AKAIN1: variants seen among roughly 807,000 people sequenced by gnomAD.
AKAIN1 encodes A-kinase anchor inhibitor 1.
A neutral mutation model predicts 3.7 loss-of-function variants in AKAIN1; 3 were observed. The ratio of observed to expected loss-of-function variants is 0.82; its 90% CI spans 0.37 to 2.12. The LOEUF is 2.12. Ranked by LOEUF, AKAIN1 falls within the 30% of genes most tolerant of loss-of-function variation. AKAIN1 has a pLI of 0.06. For missense variants in AKAIN1, 82 were observed against 82.7 expected, an observed-to-expected ratio of 0.99 and a Z score of 0.03; for synonymous variants, 31 against 30.8, an observed-to-expected ratio of 1.01 and a Z score of -0.02.
rs541192812 is a variant in AKAIN1 at position 5,155,512 on chromosome 18, C to T, written c.17-9757G>A. The stretch of plus-strand genomic sequence containing the variant: ...AAGTGTCCGTTTCTGGCCTCTCATC[C>T]GCGGCTGCACTGCCCAGACGGTCAG... On this transcript the variant is annotated intron_variant, in intron 1 of 1. Coordinates refer to ENST00000434239, the MANE Select transcript of AKAIN1 (RefSeq NM_001145194.2). Among the ~76,000 whole-genome samples, 11 of 152,272 alleles carry T rather than the reference C, an allele frequency of 7.2e-5. No individual in the cohort carries two copies. In the East Asian group the frequency reaches 1.9e-3, roughly 27 times the overall value.
At chr18:5,180,933 T>C (rs1390147976) in intron 1 of AKAIN1, among the ~76,000 whole-genome samples, 1 of 152,018 alleles carries the variant, frequency 6.6e-6, no homozygotes, top group Non-Finnish European at 1.5e-5. Flanking sequence ...AATAGAGATA[T>C]TACATTCATA....
intron 1 of AKAIN1, among the ~76,000 whole-genome samples, chr18:5,153,173 A>T (rs1201341598): frequency 6.6e-6 from 1 of 152,200 alleles, no homozygotes; most frequent in African/African-American, 2.4e-5. Context: ...TTATTTTAGA[A>T]CATAATTTAA....
At chr18:5,179,163 T>C (rs1028639259) in intron 1 of AKAIN1, among the ~76,000 whole-genome samples, 2 of 152,166 alleles carry the variant, frequency 1.3e-5, no homozygotes, top group South Asian at 2.1e-4. Flanking sequence ...TAGTAGATTG[T>C]ACCCATTAAG....
intron 1 of AKAIN1, among the ~76,000 whole-genome samples, chr18:5,192,081 G>A (rs756835919): frequency 6.6e-6 from 1 of 152,132 alleles, no homozygotes; most frequent in East Asian, 1.9e-4. Flanking sequence ...TCAGATTTTG[G>A]AGTATTTTGG....
At chr18:5,178,373 CA>C (rs1180878425) in intron 1 of AKAIN1, among the ~76,000 whole-genome samples, 7 of 151,576 alleles carry the variant, frequency 4.6e-5, no homozygotes, top group Non-Finnish European at 1.0e-4. Flanking sequence ...GACCCCATCT[CA>C]AAAAAAGGAA....
intron 1 of AKAIN1, among the ~76,000 whole-genome samples, chr18:5,175,381 T>C (rs2071220425): frequency 1.3e-5 from 2 of 152,146 alleles, no homozygotes; most frequent in South Asian, 4.1e-4. Context: ...ATAACTTGCT[T>C]AGAACACGAA....
In AKAIN1 at chr18:5,192,385, T is replaced by TTTTCTTTCTTTCTTTCTTTCTTTTTC. The variant is rs2071323562; in HGVS notation, c.16+4652_16+4653insGAAAAAGAAAGAAAGAAAGAAAGAAA. Among the ~76,000 whole-genome samples the TTTTCTTTCTTTCTTTCTTTCTTTTTC allele has an allele frequency of 3.8e-4, 41 of 107,074 alleles. 1 individual carries two copies. The highest frequency in any genetic ancestry group is 1.5e-3 in the African/African-American group (41 of 28,118). The allele number at this position is 107,074 out of a possible 152,430, so 70.2% of individuals were successfully genotyped here. A position where few individuals can be genotyped will look rare whatever the true frequency, so the allele number is the denominator to read the frequency against. ...GGCATGTGCAACCACACAGAGCTAA[T>TTTTCTTTCTTTCTTTCTTTCTTTTTC]TTTCTTTCTTTCTTTCTTTCTTTCT... On this transcript the variant is annotated intron_variant, in intron 1 of 1. Coordinates refer to ENST00000434239, the MANE Select transcript of AKAIN1 (RefSeq NM_001145194.2).
rs1489803024 is a variant in AKAIN1 at position 5,145,267 on chromosome 18, T to C, written c.*295A>G. 3.8e-6 allele frequency: 1 copy of C among 263,230 alleles called. No homozygotes were observed. The highest frequency in any genetic ancestry group is 7.2e-6 in the Non-Finnish European group (1 of 138,392). 16.3% of individuals were successfully genotyped at this position (263,230 alleles called of 1,614,324 possible). A position where few individuals can be genotyped will look rare whatever the true frequency, so the allele number is the denominator to read the frequency against. ...AGAAGTAAATAAACGAGACATAGAATTCTTTTTTTCAAATAAAAGAACTTT... is the reference window on the plus strand; with the variant it reads ...AGAAGTAAATAAACGAGACATAGAACTCTTTTTTTCAAATAAAAGAACTTT... On this transcript the variant is annotated 3_prime_UTR_variant, in exon 2 of 2. Transcript: ENST00000434239.
chr18:5,191,302 A>G (rs938872414), intron 1 of AKAIN1, among the ~76,000 whole-genome samples: 4 of 152,314 alleles, frequency 2.6e-5, no homozygotes, highest in Admixed American at 2.6e-4. Flanking sequence ...GTGAAGCAAG[A>G]ACATAGAAAA....
At chr18:5,177,944 A>C (rs1054863829) in intron 1 of AKAIN1, among the ~76,000 whole-genome samples, 1 of 152,080 alleles carries the variant, frequency 6.6e-6, no homozygotes, top group African/African-American at 2.4e-5. Flanking sequence ...GGAATTCCTG[A>C]GCATAAATGT....
At chr18:5,148,389 G>A (rs1264606665) in intron 1 of AKAIN1, among the ~76,000 whole-genome samples, 1 of 152,180 alleles carries the variant, frequency 6.6e-6, no homozygotes, top group Non-Finnish European at 1.5e-5. Context: ...GACCAAAAGA[G>A]AGCAAAAGAG....
At chr18:5,174,512 G>T (rs909964989) in intron 1 of AKAIN1, among the ~76,000 whole-genome samples, 2 of 152,104 alleles carry the variant, frequency 1.3e-5, no homozygotes, top group Non-Finnish European at 2.9e-5. Flanking sequence ...AGGCTGTGGT[G>T]GGCAGATCAC....
chr18:5,183,943 A>G (rs1369336391), intron 1 of AKAIN1, among the ~76,000 whole-genome samples: 1 of 152,102 alleles, frequency 6.6e-6, no homozygotes, highest in East Asian at 1.9e-4. Context: ...TTTTCTCCAT[A>G]AGGCACATCA....
At chr18:5,168,626 A>G (rs2071180068) in intron 1 of AKAIN1, among the ~76,000 whole-genome samples, 1 of 151,984 alleles carries the variant, frequency 6.6e-6, no homozygotes, top group Non-Finnish European at 1.5e-5. Context: ...CTTAGTGTGA[A>G]CCCTTCTTTA....
chr18:5,151,206 T>C (rs2202521), intron 1 of AKAIN1, among the ~76,000 whole-genome samples: 30,521 of 152,162 alleles, frequency 0.2, 3,894 homozygotes, highest in East Asian at 0.47. Context: ...TTCTGATGGC[T>C]TGAGACTGCA....
chr18:5,154,248 A>G (rs2071094518), intron 1 of AKAIN1, among the ~76,000 whole-genome samples: 1 of 152,204 alleles, frequency 6.6e-6, no homozygotes, highest in Non-Finnish European at 1.5e-5. Flanking sequence ...GGAAACACAC[A>G]CTTGGAAAAA....
chr18:5,174,299 T>G (rs775891996), intron 1 of AKAIN1, among the ~76,000 whole-genome samples: 10 of 152,068 alleles, frequency 6.6e-5, no homozygotes, highest in Non-Finnish European at 1.3e-4. Context: ...ATACTGCCTA[T>G]AGGGACTGTG....
At chr18:5,197,507 A>AAAAAAAAAAAAAAG, upstream of AKAIN1, 1 of 1,223,568 alleles carries the variant, frequency 8.2e-7, no homozygotes, top group Non-Finnish European at 1.0e-6. The surrounding 1 kb of genome is among the most constrained non-coding windows in gnomAD (Gnocchi z 6.9). Context: ...GATTTGTCAA[A>AAAAAAAAAAAAAAG]AAAAAAAAAC....
chr18:5,148,100 T>C (rs2071059570), intron 1 of AKAIN1, among the ~76,000 whole-genome samples: 2 of 152,346 alleles, frequency 1.3e-5, no homozygotes, highest in Admixed American at 6.5e-5. Flanking sequence ...GCAGTCAGTG[T>C]GGTCCCTAAC....
Sources: gnomAD v4.1 joint callset for allele counts (sites outside exome capture counted in the v4.1 genomes callset) on GRCh38, gnomAD v4.1.1 for gene constraint, Gnocchi (gnomAD v3.1) non-coding constraint, MANE v1.5 for transcripts, NCBI Gene and HGNC (gene_info 2026-07-23, HGNC 2026-07-21) for gene names.